SSB: variants seen among roughly 807,000 people sequenced by gnomAD.
SSB encodes the protein small RNA binding exonuclease protection factor La.
SSB carries 17 observed loss-of-function variants against 52.9 expected under a neutral mutation model. That is an observed-to-expected ratio of 0.32 (90% CI 0.22 to 0.48). The LOEUF (loss-of-function observed/expected upper bound fraction) is 0.48, where lower values mean the gene tolerates loss of function less well. Among genes scored for constraint, SSB ranks in the 20% least tolerant of loss-of-function variants. The pLI, the probability that SSB is intolerant of heterozygous loss-of-function variation, is 0.99. For missense variants in SSB, 314 were observed against 463.6 expected, an observed-to-expected ratio of 0.68 and a Z score of 2.96; for synonymous variants, 111 against 152.1, an observed-to-expected ratio of 0.73 and a Z score of 1.99.
Position 169,810,307 on chromosome 2 carries a change from T to A in SSB, c.694T>A (p.Cys232Ser). The A allele has an allele frequency of 6.2e-7, 1 of 1,605,974 alleles. No homozygotes were observed. Among genetic ancestry groups the A allele is most frequent in the Non-Finnish European group, 8.5e-7 (1 of 1,178,050 alleles). ...EMKSLEEKIGCLLKFSGDLDD... is the reference protein window; with the variant it reads ...EMKSLEEKIGSLLKFSGDLDD... Reference sequence around the variant, plus strand: ...GAAATCTCTAGAAGAAAAGATTGGATGCTTGCTGAAATTTTCGGGTGATTT... The same window carrying A: ...GAAATCTCTAGAAGAAAAGATTGGAAGCTTGCTGAAATTTTCGGGTGATTT... Residue 232 changes from cysteine to serine, a missense_variant, in exon 9 of 12, where the codon TGC becomes AGC. Physicochemically the swap from Cys to Ser is moderately radical, Grantham distance 112 (BLOSUM62 -1). Transcript: ENST00000260956.
At chr2:169,806,541 C>G (rs1558971130) in intron 4 of SSB, 1 of 347,734 alleles carries the variant, frequency 2.9e-6, no homozygotes, top group Non-Finnish European at 5.2e-6. Flanking sequence ...ACAGAACATG[C>G]AAATCATCTT....
chr2:169,799,960 G>C (rs1350550299), intron 1 of SSB, among the ~76,000 whole-genome samples: 5 of 152,154 alleles, frequency 3.3e-5, no homozygotes, highest in Admixed American at 3.3e-4. Context: ...TAGAAGACTT[G>C]GTTTGTAATT....
intron 6 of SSB, among the ~76,000 whole-genome samples, chr2:169,807,737 CTT>C (rs55845251): frequency 4.1e-5 from 3 of 74,048 alleles, no homozygotes; most frequent in Non-Finnish European, 7.3e-5. Context: ...GCCTATATGT[CTT>C]TTTTTTTTTT....
rs370335726 is a variant in SSB at position 169,808,462 on chromosome 2, C to T, written c.555-20C>T. 4 of 1,605,522 alleles carry T rather than the reference C, an allele frequency of 2.5e-6. No individual in the cohort carries two copies. The South Asian group carries it at 4.4e-5, about 18-fold the overall frequency. On this transcript the variant is annotated intron_variant, in intron 6 of 11. Coordinates refer to ENST00000260956, the MANE Select transcript of SSB (RefSeq NM_003142.5). ...AACTTTGTTCTCGTGAACTTAGCCT[C>T]TGTACTGTGTGTTCTTTAGGGACGA...
intron 2 of SSB, among the ~76,000 whole-genome samples, chr2:169,802,849 A>AAT (rs1689739569): frequency 6.6e-6 from 1 of 152,200 alleles, no homozygotes; most frequent in Non-Finnish European, 1.5e-5. Flanking sequence ...TCCCCCGCTA[A>AAT]ATATAGGATG....
intron 7 of SSB, 84 bp downstream of exon 7, chr2:169,808,637 G>A: frequency 7.8e-7 from 1 of 1,282,334 alleles, no homozygotes; most frequent in Non-Finnish European, 1.1e-6. Flanking sequence ...TGAAATAGTG[G>A]CAGTAGACCT....
chr2:169,810,036 T>G (rs1241489969), intron 8 of SSB: 1 of 244,276 alleles, frequency 4.1e-6, no homozygotes, highest in Non-Finnish European at 7.6e-6. Context: ...CAAATAATAT[T>G]GAAAGCCATT....
chr2:169,809,179 G>A (rs1189615829), intron 8 of SSB, among the ~76,000 whole-genome samples: 3 of 152,234 alleles, frequency 2.0e-5, no homozygotes, highest in Non-Finnish European at 4.4e-5. Flanking sequence ...CACGGAGTTC[G>A]AGACCAGCCT....
At chr2:169,805,418 C>T (rs1689809061) in intron 2 of SSB, 56 bp from the exon 3 acceptor site, 1 of 1,296,318 alleles carries the variant, frequency 7.7e-7, no homozygotes, top group Non-Finnish European at 1.1e-6. Flanking sequence ...AGAGTAATGT[C>T]AGGATTGGAG....
intron 8 of SSB, among the ~76,000 whole-genome samples, chr2:169,809,674 G>T (rs1165850502): frequency 6.6e-6 from 1 of 151,524 alleles, no homozygotes; most frequent in African/African-American, 2.4e-5. Flanking sequence ...GTGCAGTGGC[G>T]CGATCTCGGC....
Position 169,811,007 on chromosome 2 carries a change from A to C in SSB, c.960A>C (p.Glu320Asp). 1 of 1,611,838 alleles carries C rather than the reference A, an allele frequency of 6.2e-7. No homozygotes were observed. The highest frequency in any genetic ancestry group is 8.5e-7 in the Non-Finnish European group (1 of 1,179,574). Residue 320 changes from glutamate to aspartate, a missense_variant, in exon 10 of 12, where the codon GAA becomes GAC. Glu to Asp is a conservative substitution (Grantham distance 45, BLOSUM62 2). Coordinates refer to ENST00000260956, the MANE Select transcript of SSB (RefSeq NM_003142.5). ...VEKEALKKII[E>D]DQQESLNKWK... ...AAGAAGCACTGAAGAAAATAATAGAAGACCAACAAGAATCCCTAAACAAAT... is the reference window on the plus strand; with the variant it reads ...AAGAAGCACTGAAGAAAATAATAGACGACCAACAAGAATCCCTAAACAAAT...
chr2:169,800,365 T>A (rs1689684292), intron 1 of SSB, among the ~76,000 whole-genome samples: 1 of 152,030 alleles, frequency 6.6e-6, no homozygotes, highest in Non-Finnish European at 1.5e-5. Flanking sequence ...ACCCCGTCTC[T>A]ACTAAAAATA....
intron 2 of SSB, among the ~76,000 whole-genome samples, chr2:169,804,355 C>T (rs1689779328): frequency 6.6e-6 from 1 of 151,048 alleles, no homozygotes; most frequent in African/African-American, 2.4e-5. Flanking sequence ...AGCAATCCTC[C>T]CACTTCAGCT....
chr2:169,799,197 G>A lies in SSB; in HGVS notation c.-10+221G>A, dbSNP rs141283132. The A allele has an allele frequency of 6.7e-3, 1,015 of 151,712 alleles. 9 individuals carry two copies. Among genetic ancestry groups the A allele is most frequent in the African/African-American group, 0.023 (956 of 41,448 alleles). 9.4% of individuals were successfully genotyped at this position (151,712 alleles called of 1,614,324 possible). A position where few individuals can be genotyped will look rare whatever the true frequency, so the allele number is the denominator to read the frequency against. ...CCCGCGAGGAATGCGGGATCCTGGG[G>A]TTCCCCGCACGTGGCTGGTGCCCAG... On this transcript the variant is annotated intron_variant, in intron 1 of 11. Coordinates refer to ENST00000260956, the MANE Select transcript of SSB (RefSeq NM_003142.5).
chr2:169,804,265 G>T (rs2105698994), intron 2 of SSB, among the ~76,000 whole-genome samples: 2 of 80,340 alleles, frequency 2.5e-5, no homozygotes. Context: ...TTTTTTTTGA[G>T]GCAGCGTCTT....
At position 169,801,043 on chromosome 2, in the gene SSB, A is replaced by G. The variant is rs776484913; in HGVS notation, c.66+17A>G. ...CAAATTGAGGTATGATTCCTGTGCT[A>G]TAAACTGCAAAAACAAGTTCCTTGA... On this transcript the variant is annotated intron_variant, in intron 2 of 11. Coordinates refer to ENST00000260956, the MANE Select transcript of SSB (RefSeq NM_003142.5). 1.3e-6 allele frequency: 2 copies of G among 1,560,910 alleles called. No homozygotes were observed. Among genetic ancestry groups the G allele is most frequent in the Admixed American group, 2.1e-5 (1 of 48,418 alleles).
intron 8 of SSB, 72 bp downstream of exon 8, chr2:169,808,974 CT>C: frequency 1.6e-6 from 2 of 1,259,650 alleles, no homozygotes; most frequent in Non-Finnish European, 2.3e-6. Flanking sequence ...AGTCTGAGGA[CT>C]TTTTCAAGAA....
chr2:169,811,057 G>T lies in SSB; in HGVS notation c.997+13G>T. The stretch of plus-strand genomic sequence containing the variant: ...TGGAAGTCAAAAGGTCATTTATTCT[G>T]ATTTTTCTTTAACAGTTTGGTTGTT... On this transcript the variant is annotated intron_variant, in intron 10 of 11. Coordinates refer to ENST00000260956, the MANE Select transcript of SSB (RefSeq NM_003142.5). 6.2e-7 allele frequency: 1 copy of T among 1,604,350 alleles called. No homozygotes were observed. The highest frequency in any genetic ancestry group is 1.1e-5 in the South Asian group (1 of 88,050).
chr2:169,808,565 G>T lies in SSB; in HGVS notation c.626+12G>T. ...TTAAGAGCTAAACAGTAAGTATGTT[G>T]AACTAATCACGACATAATTTGAATT... is the stretch of plus-strand genomic sequence containing the variant. On this transcript the variant is annotated intron_variant, in intron 7 of 11. Coordinates refer to ENST00000260956, the MANE Select transcript of SSB (RefSeq NM_003142.5). 3 of 1,592,574 alleles carry T rather than the reference G, an allele frequency of 1.9e-6. No individual in the cohort carries two copies. The South Asian group carries it at 3.3e-5, about 18-fold the overall frequency.
Sources: gnomAD v4.1 joint callset for allele counts (sites outside exome capture counted in the v4.1 genomes callset) on GRCh38, gnomAD v4.1.1 for gene constraint, MANE v1.5 for transcripts, NCBI Gene and HGNC (gene_info 2026-07-23, HGNC 2026-07-21) for gene names.